MAML3: variants seen among roughly 807,000 people sequenced by gnomAD.
MAML3 encodes the protein mastermind like transcriptional coactivator 3.
Under a neutral mutation model 101.9 loss-of-function variants are expected in MAML3, and 27 were observed. The ratio of observed to expected loss-of-function variants is 0.27; its 90% CI spans 0.20 to 0.37. The LOEUF is 0.37. MAML3 is among the 10% of genes least tolerant of loss of function. MAML3 has a pLI of 1.00. For synonymous variants in MAML3, 501 were observed against 555.9 expected (o/e 0.90, Z 1.39); for missense variants, 1,316 against 1,444.9 (o/e 0.91, Z 1.45).
At chr4:139,917,009 G>A (rs914164510) in intron 1 of MAML3, among the ~76,000 whole-genome samples, 1 of 152,112 alleles carries the variant, frequency 6.6e-6, no homozygotes, top group Non-Finnish European at 1.5e-5. Context: ...TTAAACTGGA[G>A]GTTTACATAA....
intron 2 of MAML3, among the ~76,000 whole-genome samples, chr4:139,870,747 T>A (rs1003396121): frequency 2.6e-5 from 4 of 152,150 alleles, no homozygotes; most frequent in South Asian, 2.1e-4. Context: ...ACTCAAGAGA[T>A]CCTTCCACCT....
intron 2 of MAML3, among the ~76,000 whole-genome samples, chr4:139,874,160 C>T (rs1732065514): frequency 1.3e-5 from 2 of 152,006 alleles, no homozygotes; most frequent in African/African-American, 2.4e-5. Context: ...TACTGAGGTA[C>T]CAGAAACAAT....
At chr4:139,877,349 C>T (rs73857403) in intron 2 of MAML3, among the ~76,000 whole-genome samples, 45 of 151,792 alleles carry the variant, frequency 3.0e-4, no homozygotes, top group African/African-American at 9.2e-4. Flanking sequence ...CCCCACCCCC[C>T]GAAGAGTATT....
At chr4:140,085,500 T>C (rs1292387646) in intron 1 of MAML3, among the ~76,000 whole-genome samples, 1 of 152,068 alleles carries the variant, frequency 6.6e-6, no homozygotes. Context: ...CCCATTTGAC[T>C]CAGGAAAAGG....
chr4:140,151,468 CCGGCGAAAGCCCA>C (rs1211434087), intron 1 of MAML3, among the ~76,000 whole-genome samples: 2 of 152,104 alleles, frequency 1.3e-5, no homozygotes, highest in East Asian at 1.9e-4. Flanking sequence ...GCCCGAGCCC[CCGGCGAAAGCCCA>C]CGGCAGCACT....
intron 1 of MAML3, among the ~76,000 whole-genome samples, chr4:140,145,269 A>G (rs1175240987): frequency 6.6e-6 from 1 of 152,238 alleles, no homozygotes; most frequent in Non-Finnish European, 1.5e-5. Flanking sequence ...ACATGAAATG[A>G]TACACAACCA....
Position 140,153,459 on chromosome 4 carries a change from C to G in MAML3, c.-132G>C. 9.6e-7 allele frequency: 1 copy of G among 1,037,338 alleles called. No individual in the cohort carries two copies. Among genetic ancestry groups the G allele is most frequent in the Non-Finnish European group, 1.3e-6 (1 of 795,710 alleles). The allele number at this position is 1,037,338 out of a possible 1,614,324, so 64.3% of individuals were successfully genotyped here. ...GACGCAAGCACATGGATGGAAACGG[C>G]GATCCCGACGGGGCGAAAAAAACGG... On this transcript the variant is annotated 5_prime_UTR_variant, in exon 1 of 5. Transcript: ENST00000509479.
At chr4:139,815,762 T>A (rs1236555619) in intron 2 of MAML3, among the ~76,000 whole-genome samples, 1 of 152,220 alleles carries the variant, frequency 6.6e-6, no homozygotes, top group East Asian at 1.9e-4. Context: ...AAGTTTTAGT[T>A]CAAAACTGAA....
chr4:140,147,630 T>C (rs1375794248), intron 1 of MAML3, among the ~76,000 whole-genome samples: 1 of 152,226 alleles, frequency 6.6e-6, no homozygotes, highest in African/African-American at 2.4e-5. Flanking sequence ...GTAGACACTA[T>C]GAAAATCTTG....
At chr4:139,733,465 A>G (rs976328278) in intron 2 of MAML3, among the ~76,000 whole-genome samples, 4 of 152,104 alleles carry the variant, frequency 2.6e-5, no homozygotes, top group Non-Finnish European at 4.4e-5. Context: ...GGGAAAAGAA[A>G]GAGAGAGGCA....
chr4:140,011,511 ATTT>A lies in MAML3; in HGVS notation c.469-120547_469-120545del, dbSNP rs1726563031. Among the ~76,000 whole-genome samples, 3 of 147,906 alleles carry A rather than the reference ATTT, an allele frequency of 2.0e-5. No individual in the cohort carries two copies. In the South Asian group the frequency reaches 6.6e-4, roughly 32 times the overall value. ...AGGCGCCCGCCACCGCGCCCGGCTA[ATTT>A]TTTGTATTTTTAGTAGAGACGGGGT... On this transcript the variant is annotated intron_variant, in intron 1 of 4. Transcript: ENST00000509479.
At chr4:140,145,822 C>T (rs1400374315) in intron 1 of MAML3, among the ~76,000 whole-genome samples, 2 of 151,028 alleles carry the variant, frequency 1.3e-5, no homozygotes, top group Non-Finnish European at 2.9e-5. Flanking sequence ...CTCGGCCTCC[C>T]AAAGTGCTGG....
At chr4:139,730,124 C>G (rs1418445377) in intron 3 of MAML3, among the ~76,000 whole-genome samples, 1 of 152,164 alleles carries the variant, frequency 6.6e-6, no homozygotes, top group Non-Finnish European at 1.5e-5. Context: ...GACCCCTGTA[C>G]CAGAAATCAG....
chr4:139,822,219 T>TCACCATCAC (rs1730984452), intron 2 of MAML3, among the ~76,000 whole-genome samples: 1 of 144,190 alleles, frequency 6.9e-6, no homozygotes, highest in African/African-American at 2.6e-5. Context: ...ATTATCATTA[T>TCACCATCAC]CACCATCACC....
intron 1 of MAML3, among the ~76,000 whole-genome samples, chr4:140,028,485 G>T (rs910612103): frequency 6.6e-6 from 1 of 151,444 alleles, no homozygotes; most frequent in Admixed American, 6.6e-5. Context: ...ATTATTCTTC[G>T]TGATTCCAAA....
rs150909613 is a variant in MAML3 at position 140,042,058 on chromosome 4, A to G, written c.468+110802T>C. On this transcript the variant is annotated intron_variant, in intron 1 of 4. Transcript: ENST00000509479. ...CTCCTGTGAAGTACGAAGTATTATTATCCACATTTTACTAATAAGAAATAA... is the reference window on the plus strand; with the variant it reads ...CTCCTGTGAAGTACGAAGTATTATTGTCCACATTTTACTAATAAGAAATAA... 2.5e-3 allele frequency among the ~76,000 whole-genome samples: 386 copies of G among 152,344 alleles called. 1 individual carries two copies. The highest frequency in any genetic ancestry group is 4.4e-3 in the Non-Finnish European group (297 of 68,024).
intron 1 of MAML3, among the ~76,000 whole-genome samples, chr4:140,130,950 G>A (rs991555993): frequency 1.3e-5 from 2 of 151,998 alleles, no homozygotes; most frequent in Middle Eastern, 3.4e-3. Context: ...ATGAGGAAAG[G>A]GAAGACCCAG....
intron 1 of MAML3, among the ~76,000 whole-genome samples, chr4:139,992,851 C>T (rs961992890): frequency 2.0e-5 from 3 of 152,270 alleles, no homozygotes; most frequent in Non-Finnish European, 2.9e-5. Flanking sequence ...GCCACCGCAC[C>T]GAGCCTATTT....
chr4:139,754,313 TATGGAA>T (rs1729598970), intron 2 of MAML3, among the ~76,000 whole-genome samples: 1 of 152,244 alleles, frequency 6.6e-6, no homozygotes, highest in South Asian at 2.1e-4. Context: ...ATTTATCCAC[TATGGAA>T]AATGTGGACA....
Sources: gnomAD v4.1 joint callset for allele counts (sites outside exome capture counted in the v4.1 genomes callset) on GRCh38, gnomAD v4.1.1 for gene constraint, MANE v1.5 for transcripts, NCBI Gene and HGNC (gene_info 2026-07-23, HGNC 2026-07-21) for gene names.